ARID1B: variants seen among roughly 807,000 people sequenced by gnomAD.
ARID1B encodes the protein AT-rich interaction domain 1B, also known as AT-rich interactive domain-containing protein 1B.
Under a neutral mutation model 212.3 loss-of-function variants are expected in ARID1B, and 30 were observed. The observed-to-expected ratio is 0.14, with a 90% confidence interval of 0.11 to 0.19. ARID1B has a LOEUF of 0.19. Ranked by LOEUF, ARID1B falls within the 10% of genes least tolerant of loss-of-function variation. The probability of loss-of-function intolerance (pLI) is 1.00; values close to 1 mark genes in which losing one functional copy is unlikely to be tolerated. For missense variants in ARID1B, 2,891 were observed against 3,204.0 expected, an observed-to-expected ratio of 0.90 and a Z score of 2.36; for synonymous variants, 1,402 against 1,301.7, an observed-to-expected ratio of 1.08 and a Z score of -1.66.
intron 3 of ARID1B, among the ~76,000 whole-genome samples, chr6:156,903,569 T>C (rs530216478): frequency 6.6e-6 from 1 of 152,310 alleles, no homozygotes; most frequent in South Asian, 2.1e-4. Context: ...GGATGGGAGA[T>C]AGATTTGGAA....
At chr6:157,162,458 G>C (rs987792921) in intron 8 of ARID1B, among the ~76,000 whole-genome samples, 1 of 152,160 alleles carries the variant, frequency 6.6e-6, no homozygotes, top group Admixed American at 6.5e-5. Context: ...AATCTCCAAA[G>C]TGAATAAAAG....
chr6:157,075,577 A>T (rs1166062347), intron 4 of ARID1B, among the ~76,000 whole-genome samples: 1 of 152,212 alleles, frequency 6.6e-6, no homozygotes, highest in Admixed American at 6.5e-5. Context: ...TCCCTTCATG[A>T]GTAGAGTATG....
chr6:156,892,775 A>G (rs980775226), intron 2 of ARID1B, among the ~76,000 whole-genome samples: 5 of 152,178 alleles, frequency 3.3e-5, no homozygotes, highest in African/African-American at 9.7e-5. Context: ...AACAGACCAT[A>G]TGGTGTGTTG....
At chr6:157,107,308 T>C (rs1388483835) in intron 5 of ARID1B, among the ~76,000 whole-genome samples, 1 of 151,828 alleles carries the variant, frequency 6.6e-6, no homozygotes, top group Non-Finnish European at 1.5e-5. Flanking sequence ...GAAAAATGGG[T>C]GTAATTCAAA....
At chr6:157,084,939 T>C (rs768575383) in intron 5 of ARID1B, 34 bp downstream of exon 5, 1 of 1,571,134 alleles carries the variant, frequency 6.4e-7, no homozygotes, top group Non-Finnish European at 8.6e-7. Flanking sequence ...TATTTTACTT[T>C]GTGATAAAGA....
At chr6:157,027,685 A>G (rs187066021) in intron 4 of ARID1B, among the ~76,000 whole-genome samples, 1 of 152,356 alleles carries the variant, frequency 6.6e-6, no homozygotes, top group Admixed American at 6.5e-5. Context: ...CACCTAATCA[A>G]TAAAGTCATC....
At chr6:156,900,031 G>A (rs1341639863) in intron 2 of ARID1B, among the ~76,000 whole-genome samples, 1 of 152,184 alleles carries the variant, frequency 6.6e-6, no homozygotes, top group Non-Finnish European at 1.5e-5. Context: ...ATGGAAATTC[G>A]TTGGCTTGGC....
chr6:157,063,992 G>A (rs1482613682), intron 4 of ARID1B, among the ~76,000 whole-genome samples: 7 of 152,210 alleles, frequency 4.6e-5, no homozygotes, highest in African/African-American at 1.7e-4. Flanking sequence ...AGGCCAGTCT[G>A]TGAGGGGGGC....
At chr6:156,911,469 T>C (rs1247243280) in intron 3 of ARID1B, among the ~76,000 whole-genome samples, 2 of 150,996 alleles carry the variant, frequency 1.3e-5, no homozygotes, top group Admixed American at 1.3e-4. Flanking sequence ...TAATCTAGCA[T>C]TCCTACCCTA....
At chr6:157,073,113 T>G (rs903062800) in intron 4 of ARID1B, among the ~76,000 whole-genome samples, 8 of 151,612 alleles carry the variant, frequency 5.3e-5, no homozygotes, top group Non-Finnish European at 1.0e-4. Context: ...TTTTTTTTTT[T>G]TTTTTTGGAG....
intron 4 of ARID1B, among the ~76,000 whole-genome samples, chr6:157,052,342 G>A (rs376256411): frequency 1.8e-4 from 27 of 152,272 alleles, no homozygotes; most frequent in African/African-American, 6.0e-4. Flanking sequence ...TAATAGATCC[G>A]TGTGGAACCA....
chr6:156,913,436 C>G (rs1434938071), intron 3 of ARID1B, among the ~76,000 whole-genome samples: 1 of 152,002 alleles, frequency 6.6e-6, no homozygotes, highest in Non-Finnish European at 1.5e-5. Context: ...CCAGGCTGGT[C>G]TTGAACTCCT....
At chr6:156,931,698 C>T (rs1410866208) in intron 3 of ARID1B, among the ~76,000 whole-genome samples, 1 of 151,990 alleles carries the variant, frequency 6.6e-6, no homozygotes, top group Non-Finnish European at 1.5e-5. Context: ...CACGGTGGCT[C>T]ACGCCTGTAA....
intron 2 of ARID1B, among the ~76,000 whole-genome samples, chr6:156,878,768 G>A (rs1187786253): frequency 1.3e-5 from 2 of 152,230 alleles, no homozygotes; most frequent in African/African-American, 2.4e-5. Flanking sequence ...CAGCCAAATG[G>A]TTGGACAGGT....
chr6:156,956,974 G>A (rs1794021777), intron 4 of ARID1B, among the ~76,000 whole-genome samples: 1 of 152,184 alleles, frequency 6.6e-6, no homozygotes, highest in African/African-American at 2.4e-5. Context: ...ACTGAATTTG[G>A]TGAAAATAAC....
At chr6:157,171,444 G>A (rs948309508) in intron 9 of ARID1B, among the ~76,000 whole-genome samples, 4 of 152,216 alleles carry the variant, frequency 2.6e-5, no homozygotes, top group African/African-American at 9.6e-5. Flanking sequence ...TGCCCCTGGA[G>A]TCCCATTGCC....
intron 4 of ARID1B, among the ~76,000 whole-genome samples, chr6:156,984,077 G>A (rs1399807489): frequency 6.6e-6 from 1 of 152,130 alleles, no homozygotes; most frequent in African/African-American, 2.4e-5. Flanking sequence ...GTTGGGAAGG[G>A]TGGGGTTCTG....
intron 5 of ARID1B, among the ~76,000 whole-genome samples, chr6:157,087,834 A>T (rs528823523): frequency 8.6e-5 from 13 of 150,854 alleles, no homozygotes; most frequent in African/African-American, 3.2e-4. Flanking sequence ...TTCCTCTTGG[A>T]GTTTGAGCCT....
intron 2 of ARID1B, among the ~76,000 whole-genome samples, chr6:156,849,120 G>T (rs1784415913): frequency 6.6e-6 from 1 of 152,100 alleles, no homozygotes. Flanking sequence ...TGTGTCCAGT[G>T]GCATTTTTCC....
Sources: allele counts gnomAD v4.1 joint callset (sites outside exome capture counted in the v4.1 genomes callset), GRCh38; gene constraint gnomAD v4.1.1; transcripts MANE v1.5; gene names NCBI Gene and HGNC (gene_info 2026-07-23, HGNC 2026-07-21).